The following YWHAQ variants were observed in gnomAD, a reference collection of about 807,000 sequenced individuals.
The protein encoded by YWHAQ is tyrosine 3-monooxygenase/tryptophan 5-monooxygenase activation protein theta, also known as 14-3-3 protein theta.
YWHAQ carries 6 observed loss-of-function variants against 28.3 expected under a neutral mutation model. The observed-to-expected ratio is 0.21, with a 90% CI of 0.12 to 0.42. YWHAQ has a LOEUF of 0.42. YWHAQ is among the 10% of genes least tolerant of loss of function. YWHAQ has a pLI of 1.00. For missense variants in YWHAQ, 201 were observed against 305.6 expected (o/e 0.66, Z 2.55); for synonymous variants, 143 against 119.1 (o/e 1.20, Z -1.31).
chr2:9,620,542 C>T (rs1384204996), intron 2 of YWHAQ: 2 of 152,194 alleles, frequency 1.3e-5, no homozygotes, highest in Admixed American at 1.3e-4. Context: ...TGGATGTCAA[C>T]TCTGCTTTTT....
intron 2 of YWHAQ, among the ~76,000 whole-genome samples, chr2:9,593,809 CAG>C (rs1666507504): frequency 6.6e-6 from 1 of 150,388 alleles, no homozygotes; most frequent in Admixed American, 6.6e-5. Flanking sequence ...GCCTGGGAGA[CAG>C]AGCAAAAGAG....
intron 2 of YWHAQ, among the ~76,000 whole-genome samples, chr2:9,628,267 CTA>C (rs1021435835): frequency 5.3e-5 from 8 of 152,318 alleles, no homozygotes; most frequent in African/African-American, 1.7e-4. Context: ...CTAAACTATT[CTA>C]TGTCTTCTCA....
chr2:9,602,569 C>G (rs1666714545), intron 2 of YWHAQ, among the ~76,000 whole-genome samples: 1 of 151,404 alleles, frequency 6.6e-6, no homozygotes. Flanking sequence ...TCCCACCACC[C>G]AGCTGTCTCC....
chr2:9,606,020 C>CTA (rs962833764), intron 2 of YWHAQ, among the ~76,000 whole-genome samples: 3 of 152,136 alleles, frequency 2.0e-5, no homozygotes, highest in Admixed American at 1.3e-4. Flanking sequence ...CTGCCTCATT[C>CTA]TATATATAAC....
intron 2 of YWHAQ, among the ~76,000 whole-genome samples, chr2:9,622,559 C>G (rs889649511): frequency 6.6e-6 from 1 of 152,114 alleles, no homozygotes; most frequent in African/African-American, 2.4e-5. Context: ...TGCATCATTC[C>G]CTCTTGCGTA....
chr2:9,592,154 A>G (rs1425325561), intron 2 of YWHAQ, among the ~76,000 whole-genome samples: 3 of 152,240 alleles, frequency 2.0e-5, no homozygotes, highest in Non-Finnish European at 2.9e-5. Flanking sequence ...TGCCCTTTGC[A>G]TTCAAGTATC....
intron 2 of YWHAQ, among the ~76,000 whole-genome samples, chr2:9,614,545 C>T (rs1304521043): frequency 2.0e-5 from 3 of 152,120 alleles, no homozygotes; most frequent in Non-Finnish European, 4.4e-5. Flanking sequence ...GGACAGACAT[C>T]CTGATACCTA....
chr2:9,609,776 T>C lies in YWHAQ; in HGVS notation c.295-18261A>G, dbSNP rs142769915. Among the ~76,000 whole-genome samples, 333 of 152,304 alleles carry C rather than the reference T, an allele frequency of 2.2e-3. 1 individual carries two copies. Among genetic ancestry groups the C allele is most frequent in the African/African-American group, 7.7e-3 (318 of 41,568 alleles). On this transcript the variant is annotated intron_variant, in intron 2 of 5. Transcript: ENST00000238081. ...GAAAAACAACTGTCAACTAGAATTC[T>C]GTAACCAATTAAAGCACCACACAAA...
chr2:9,614,046 T>C (rs990605880), intron 2 of YWHAQ, among the ~76,000 whole-genome samples: 3 of 152,222 alleles, frequency 2.0e-5, no homozygotes, highest in Non-Finnish European at 4.4e-5. Context: ...CAGATGCTAT[T>C]AGCAATAAAC....
intron 5 of YWHAQ, among the ~76,000 whole-genome samples, chr2:9,585,667 G>A (rs1270625901): frequency 1.3e-5 from 2 of 152,130 alleles, no homozygotes; most frequent in Non-Finnish European, 2.9e-5. Flanking sequence ...CAGCACGTAG[G>A]GAGGCCAAGA....
At chr2:9,597,634 C>CA (rs562319001) in intron 2 of YWHAQ, among the ~76,000 whole-genome samples, 16,241 of 74,916 alleles carry the variant, frequency 0.22, 1,941 homozygotes, top group African/African-American at 0.37. Flanking sequence ...AACTCCGTCT[C>CA]AAAAAAAAAA....
chr2:9,618,932 C>A (rs2125072495), intron 2 of YWHAQ, among the ~76,000 whole-genome samples: 1 of 152,238 alleles, frequency 6.6e-6, no homozygotes, highest in African/African-American at 2.4e-5. Flanking sequence ...GACCTCCACC[C>A]TTCCCCTTAG....
intron 2 of YWHAQ, among the ~76,000 whole-genome samples, chr2:9,606,562 C>T (rs1004188732): frequency 6.6e-6 from 1 of 152,184 alleles, no homozygotes; most frequent in African/African-American, 2.4e-5. Context: ...CGGAGTCTCG[C>T]TCTGTTGCCC....
chr2:9,623,896 C>T (rs1667195826), intron 2 of YWHAQ, among the ~76,000 whole-genome samples: 1 of 152,156 alleles, frequency 6.6e-6, no homozygotes, highest in Admixed American at 6.6e-5. Context: ...TAATAGATTT[C>T]AATATAATTG....
rs1431627013 is a variant in YWHAQ, at chr2:9,630,097, G to A, written c.294+62C>T. On this transcript the variant is annotated intron_variant, in intron 2 of 5. Transcript: ENST00000238081. This position sits in a 1 kb window ranked among gnomAD's most constrained non-coding sequence, Gnocchi z 5.6. Reference sequence around the variant, plus strand: ...GGCTCACGTTTGTTTCCGTGCCCGCGAAACTCTCAATGAAAAGCATCTCAC... The same window carrying A: ...GGCTCACGTTTGTTTCCGTGCCCGCAAAACTCTCAATGAAAAGCATCTCAC... 2 of 1,557,416 alleles carry A rather than the reference G, an allele frequency of 1.3e-6. No individual in the cohort carries two copies. The highest frequency in any genetic ancestry group is 1.7e-6 in the Non-Finnish European group (2 of 1,148,320).
At chr2:9,600,362 G>T (rs575137344) in intron 2 of YWHAQ, among the ~76,000 whole-genome samples, 6 of 152,322 alleles carry the variant, frequency 3.9e-5, no homozygotes, top group Middle Eastern at 3.4e-3. Flanking sequence ...GATTTTGAAA[G>T]AAATTCTATT....
chr2:9,606,753 G>A (rs1666838478), intron 2 of YWHAQ, among the ~76,000 whole-genome samples: 1 of 151,982 alleles, frequency 6.6e-6, no homozygotes, highest in African/African-American at 2.4e-5. Context: ...TATATCCTTT[G>A]CCCTTTTCCT....
At chr2:9,587,574 C>A (rs1378234910) in intron 4 of YWHAQ, 65 bp from the exon 5 acceptor site, 3 of 1,431,466 alleles carry the variant, frequency 2.1e-6, no homozygotes, top group East Asian at 4.7e-5. Context: ...TCTACAATTA[C>A]AAACCATTTT....
At chr2:9,615,824 T>C (rs1667030213) in intron 2 of YWHAQ, among the ~76,000 whole-genome samples, 1 of 152,024 alleles carries the variant, frequency 6.6e-6, no homozygotes, top group African/African-American at 2.4e-5. Flanking sequence ...AAGAACACGA[T>C]TCTAGAAAAG....
Sources: allele counts gnomAD v4.1 joint callset (sites outside exome capture counted in the v4.1 genomes callset), GRCh38; gene constraint gnomAD v4.1.1; non-coding constraint Gnocchi (gnomAD v3.1); transcripts MANE v1.5; gene names NCBI Gene and HGNC (gene_info 2026-07-23, HGNC 2026-07-21).